Variants in STK3 observed in about 807,000 individuals in gnomAD.
STK3 encodes serine/threonine kinase 3, also known as serine/threonine-protein kinase 3.
A neutral mutation model predicts 58.0 loss-of-function variants in STK3; 41 were observed. That is an observed-to-expected ratio of 0.71 (90% CI 0.55 to 0.92). The LOEUF (loss-of-function observed/expected upper bound fraction) is 0.92, where lower values mean the gene tolerates loss of function less well. Ranked by LOEUF, STK3 falls within the 40% of genes least tolerant of loss-of-function variation. The pLI is 0.00. For synonymous variants in STK3, 170 were observed against 191.0 expected, an observed-to-expected ratio of 0.89 and a Z score of 0.91; for missense variants, 479 against 602.7, an observed-to-expected ratio of 0.79 and a Z score of 2.15.
At chr8:98,865,852 G>A (rs1837119306) in intron 3 of STK3, among the ~76,000 whole-genome samples, 1 of 152,260 alleles carries the variant, frequency 6.6e-6, no homozygotes, top group Non-Finnish European at 1.5e-5. Context: ...GTCACTGTGT[G>A]AAATAGCCCA....
intron 3 of STK3, among the ~76,000 whole-genome samples, chr8:98,851,236 C>G (rs1177244159): frequency 6.6e-6 from 1 of 152,192 alleles, no homozygotes; most frequent in Non-Finnish European, 1.5e-5. Context: ...TCTCTGTACT[C>G]CAGAGCCCAA....
Position 98,501,974 on chromosome 8 carries a change from G to C in STK3, c.1317+24768C>G, listed in dbSNP as rs192433612. On this transcript the variant is annotated intron_variant, in intron 10 of 10. Coordinates refer to ENST00000419617, the MANE Select transcript of STK3 (RefSeq NM_006281.4). ...TTGGTAGCTTGACGGCGATGGCATT[G>C]AATCTATAAATTACTTTGAGCAGTA... 5.2e-3 allele frequency among the ~76,000 whole-genome samples: 790 copies of C among 152,294 alleles called. 5 individuals are homozygous for C. The highest frequency in any genetic ancestry group is 6.7e-3 in the Non-Finnish European group (458 of 68,018).
chr8:98,747,017 G>C (rs187673309), intron 4 of STK3, among the ~76,000 whole-genome samples: 1 of 151,252 alleles, frequency 6.6e-6, no homozygotes, highest in Admixed American at 6.6e-5. Context: ...ATTCTAGCCT[G>C]GGCAAAAGAG....
chr8:98,817,193 C>T (rs1461893126), intron 1 of STK3, among the ~76,000 whole-genome samples: 4 of 152,166 alleles, frequency 2.6e-5, no homozygotes, highest in South Asian at 4.1e-4. Flanking sequence ...GCGGCTCATG[C>T]CTTTAATCCC....
chr8:98,891,703 A>G (rs1263272374), intron 1 of STK3, among the ~76,000 whole-genome samples: 1 of 152,134 alleles, frequency 6.6e-6, no homozygotes, highest in Non-Finnish European at 1.5e-5. Context: ...TCAATTCAGT[A>G]TGTTACACTG....
At chr8:98,687,346 C>T (rs774058173) in intron 6 of STK3, among the ~76,000 whole-genome samples, 11 of 152,208 alleles carry the variant, frequency 7.2e-5, no homozygotes, top group Non-Finnish European at 1.5e-4. Flanking sequence ...ATGAGGACTA[C>T]ACAACCTAGA....
At chr8:98,609,748 C>CA (rs898681287) in intron 6 of STK3, among the ~76,000 whole-genome samples, 66 of 152,146 alleles carry the variant, frequency 4.3e-4, no homozygotes, top group African/African-American at 1.5e-3. Flanking sequence ...ATCACGAGGT[C>CA]AGGAGATCGA....
At chr8:98,589,583 C>T (rs1215841333) in intron 7 of STK3, among the ~76,000 whole-genome samples, 3 of 152,246 alleles carry the variant, frequency 2.0e-5, no homozygotes, top group African/African-American at 7.2e-5. Flanking sequence ...GAGGTGGAGC[C>T]TACAGATGCA....
intron 1 of STK3, chr8:98,905,737 C>T: frequency 1.9e-6 from 1 of 526,550 alleles, no homozygotes; most frequent in East Asian, 3.7e-5. Flanking sequence ...CCTACAAAAT[C>T]GTTTGTCTTG....
At chr8:98,680,981 CTTTTTT>C (rs371666746) in intron 6 of STK3, among the ~76,000 whole-genome samples, 22 of 124,764 alleles carry the variant, frequency 1.8e-4, no homozygotes, top group South Asian at 5.2e-4. Context: ...CCCCACCTTT[CTTTTTT>C]TTTTTTTTTT....
chr8:98,733,204 T>C (rs1436249228), intron 4 of STK3, among the ~76,000 whole-genome samples: 1 of 152,126 alleles, frequency 6.6e-6, no homozygotes, highest in Non-Finnish European at 1.5e-5. Context: ...GATAAAACAG[T>C]GAACGAAAAA....
chr8:98,870,306 C>T (rs1333632509), intron 3 of STK3, among the ~76,000 whole-genome samples: 7 of 152,248 alleles, frequency 4.6e-5, no homozygotes, highest in East Asian at 3.9e-4. Flanking sequence ...TAAACATATG[C>T]GTGCATGTGT....
intron 4 of STK3, among the ~76,000 whole-genome samples, chr8:98,732,717 CAG>C (rs746360418): frequency 6.6e-6 from 1 of 151,994 alleles, no homozygotes; most frequent in Non-Finnish European, 1.5e-5. Flanking sequence ...GGCTATAAAA[CAG>C]ACCTCAAAGC....
At chr8:98,413,045 A>G in intron 3 of STK3, 1 of 229,326 alleles carries the variant, frequency 4.4e-6, no homozygotes. Context: ...ACAGGATCTC[A>G]CTCTGTCACC....
intron 2 of STK3, among the ~76,000 whole-genome samples, chr8:98,375,890 G>A (rs1477554393): frequency 6.6e-6 from 1 of 152,168 alleles, no homozygotes; most frequent in African/African-American, 2.4e-5. Context: ...AAATATTCAT[G>A]TATAGGTTTT....
chr8:98,743,911 G>C lies in STK3; in HGVS notation c.351+5365C>G, dbSNP rs184338435. Among the ~76,000 whole-genome samples the C allele has an allele frequency of 8.0e-4, 122 of 152,236 alleles. 1 individual carries two copies. Among genetic ancestry groups the C allele is most frequent in the African/African-American group, 2.8e-3 (115 of 41,532 alleles). On this transcript the variant is annotated intron_variant, in intron 4 of 10. Transcript: ENST00000419617. Reference sequence around the variant, plus strand: ...CAAGAAAAAAACAACCCCATCAAAAGTGGGCGAAGGACATGAACAGACACT... The same window carrying C: ...CAAGAAAAAAACAACCCCATCAAAACTGGGCGAAGGACATGAACAGACACT...
At chr8:98,501,633 T>C (rs960337144) in intron 10 of STK3, among the ~76,000 whole-genome samples, 1 of 152,222 alleles carries the variant, frequency 6.6e-6, no homozygotes, top group Non-Finnish European at 1.5e-5. Flanking sequence ...GGCTAGCCAG[T>C]TTTCCTAGCA....
At chr8:98,350,233 A>T in the STK3 span, among the ~76,000 whole-genome samples, 1 of 152,182 alleles carries the variant, frequency 6.6e-6, no homozygotes, top group Non-Finnish European at 1.5e-5. Flanking sequence ...CAGGGGCAAA[A>T]TGCCACCAGT....
chr8:98,589,519 T>C (rs1036007202), intron 7 of STK3, among the ~76,000 whole-genome samples: 3 of 152,252 alleles, frequency 2.0e-5, no homozygotes, highest in South Asian at 2.1e-4. Flanking sequence ...GACAGGGACA[T>C]TTAAGTCTGC....
Sources: allele counts gnomAD v4.1 joint callset (sites outside exome capture counted in the v4.1 genomes callset), GRCh38; gene constraint gnomAD v4.1.1; transcripts MANE v1.5; gene names NCBI Gene and HGNC (gene_info 2026-07-23, HGNC 2026-07-21).